ADCY7: variants seen among roughly 807,000 people sequenced by gnomAD.
The protein encoded by ADCY7 is adenylate cyclase 7, also known as adenylate cyclase type 7.
ADCY7 carries 72 observed loss-of-function variants against 120.6 expected under a neutral mutation model. The ratio of observed to expected loss-of-function variants is 0.60; its 90% confidence interval spans 0.49 to 0.73. The LOEUF (loss-of-function observed/expected upper bound fraction) is 0.73. Among genes scored for constraint, ADCY7 ranks in the 30% least tolerant of loss-of-function variants. ADCY7 has a pLI of 0.00. For synonymous variants in ADCY7, 661 were observed against 628.0 expected (o/e 1.05, Z -0.78); for missense variants, 1,227 against 1,486.0 (o/e 0.83, Z 2.87).
intron 10 of ADCY7, among the ~76,000 whole-genome samples, chr16:50,302,219 G>A (rs868113492): frequency 1.5e-4 from 23 of 151,620 alleles, no homozygotes; most frequent in South Asian, 4.2e-4. Flanking sequence ...TCCTCCCTCC[G>A]TCCCTAATGC....
intron 24 of ADCY7, chr16:50,314,678 C>T: frequency 2.1e-6 from 1 of 473,256 alleles, no homozygotes; most frequent in Non-Finnish European, 3.8e-6. Flanking sequence ...GAGAAGGAAG[C>T]AAAGTTACTA....
chr16:50,313,441 A>ACAAC, intron 22 of ADCY7: 1 of 181,872 alleles, frequency 5.5e-6, no homozygotes, highest in Non-Finnish European at 1.2e-5. Flanking sequence ...ACAACAAAAA[A>ACAAC]AAAACGACGT....
intron 1 of ADCY7, among the ~76,000 whole-genome samples, chr16:50,281,070 C>T (rs896233421): frequency 1.3e-5 from 2 of 151,956 alleles, no homozygotes; most frequent in Admixed American, 6.6e-5. Context: ...TTAGGAGATG[C>T]GGTGGGGGGC....
At chr16:50,310,625 G>T in intron 18 of ADCY7, 62 bp from the exon 19 acceptor site, 2 of 1,605,324 alleles carry the variant, frequency 1.2e-6, no homozygotes, top group East Asian at 2.2e-5. Flanking sequence ...GGTATGTGCT[G>T]GGCTGGAGGC....
chr16:50,305,017 G>T (rs2035969058), intron 12 of ADCY7, 58 bp downstream of exon 12: 3 of 1,602,910 alleles, frequency 1.9e-6, no homozygotes, highest in African/African-American at 1.3e-5. Flanking sequence ...CAAGCAGGCT[G>T]CCCTGAGCAG....
chr16:50,269,955 G>GA (rs1348369607), intron 1 of ADCY7, among the ~76,000 whole-genome samples: 1 of 152,186 alleles, frequency 6.6e-6, no homozygotes, highest in African/African-American at 2.4e-5. Flanking sequence ...TTGGGAGGCT[G>GA]AAGTGGGCGG....
chr16:50,262,626 C>T (rs915707631), upstream of ADCY7, among the ~76,000 whole-genome samples: 10 of 152,192 alleles, frequency 6.6e-5, no homozygotes, highest in African/African-American at 2.2e-4. Flanking sequence ...CATGCCCTGC[C>T]GGCTTCTCCC....
chr16:50,273,504 G>T (rs1365275586), intron 1 of ADCY7, among the ~76,000 whole-genome samples: 1 of 152,244 alleles, frequency 6.6e-6, no homozygotes, highest in Non-Finnish European at 1.5e-5. Context: ...GCTGCAGGCA[G>T]GAGCTCAGTG....
At position 50,278,622 on chromosome 16, in the gene ADCY7, A is replaced by T. The variant is rs565962901; in HGVS notation, c.-268-9290A>T. ...TATGGCTTTTGGGTTTTGTGTCAGG[A>T]TAAAAAGGCCATATTCACTACAGCA... On this transcript the variant is annotated intron_variant, in intron 1 of 25. Coordinates refer to ENST00000673801, the MANE Select transcript of ADCY7 (RefSeq NM_001114.5). Among the ~76,000 whole-genome samples the T allele has an allele frequency of 2.2e-4, 33 of 152,300 alleles. No homozygotes were observed. In the East Asian group the frequency reaches 5.6e-3, roughly 26 times the overall value.
chr16:50,255,223 G>A (rs183614201), intron 1 of ADCY7, among the ~76,000 whole-genome samples: 1 of 151,460 alleles, frequency 6.6e-6, no homozygotes, highest in Non-Finnish European at 1.5e-5. Context: ...CGTGAGCCTA[G>A]GAGCTTGAGG....
At chr16:50,253,961 A>G (rs1020171587) in intron 1 of ADCY7, among the ~76,000 whole-genome samples, 37 of 151,760 alleles carry the variant, frequency 2.4e-4, no homozygotes, top group Admixed American at 2.0e-3. Flanking sequence ...GTGTCTGTCT[A>G]TCTGTCTGTC....
At position 50,253,808 on chromosome 16, in the gene ADCY7, C is replaced by T. The variant is rs374490710; in HGVS notation, c.-64+7605C>T. The stretch of plus-strand genomic sequence containing the variant: ...AGGTGGGTTGAGGTGGGGGTGGAGG[C>T]GGTGGTGTCTGCTGCTACATGCTGG... On this transcript the variant is annotated intron_variant, in intron 1 of 4. Coordinates refer to the ADCY7 transcript ENST00000564044. Among the ~76,000 whole-genome samples, 92 of 152,224 alleles carry T rather than the reference C, an allele frequency of 6.0e-4. 1 individual carries two copies. In the South Asian group the frequency reaches 0.018, roughly 31 times the overall value.
intron 15 of ADCY7, among the ~76,000 whole-genome samples, chr16:50,307,765 C>A (rs142109120): frequency 6.6e-6 from 1 of 151,972 alleles, no homozygotes; most frequent in Non-Finnish European, 1.5e-5. Context: ...TGGGAGGCTG[C>A]GGGGCGAATC....
intron 1 of ADCY7, among the ~76,000 whole-genome samples, chr16:50,258,106 G>A (rs2032964837): frequency 6.6e-6 from 1 of 152,112 alleles, no homozygotes; most frequent in South Asian, 2.1e-4. Flanking sequence ...GCATGCACTT[G>A]TAATGTAACC....
In ADCY7 at chr16:50,315,461, G is replaced by A; in HGVS notation, c.3199G>A (p.Val1067Ile). 6.2e-7 allele frequency: 1 copy of A among 1,614,138 alleles called. No homozygotes were observed. Among genetic ancestry groups the A allele is most frequent in the East Asian group, 2.2e-5 (1 of 44,870 alleles). The change falls in exon 26 of 26, where the codon GTC becomes ATC. Residue 1067 changes from valine to isoleucine, a missense_variant. By Grantham distance (29) the Val-to-Ile change is conservative (BLOSUM62 3). Coordinates refer to ENST00000673801, the MANE Select transcript of ADCY7 (RefSeq NM_001114.5). ...KGKGELRTYF[V>I]CTDTAKFQGL... ...CAAAGGCGAGCTGAGGACTTACTTT[G>A]TCTGTACGGACACTGCCAAGTTTCA... is the stretch of plus-strand genomic sequence containing the variant.
Position 50,298,966 on chromosome 16 carries a change from C to T in ADCY7, c.1011C>T (p.Pro337=), listed in dbSNP as rs749723232. Reference sequence around the variant, plus strand: ...GCTACTACTGTGTATCGGGCCTGCCCGTGTCGCTGCCTACCCACGCCCGGA... The same window carrying T: ...GCTACTACTGTGTATCGGGCCTGCCTGTGTCGCTGCCTACCCACGCCCGGA... ...GDCYYCVSGL[P]VSLPTHARNC... is the part of the protein sequence containing the mutation. Residue 337 remains proline (P), a synonymous_variant, in exon 8 of 26, where the codon CCC becomes CCT. Transcript: ENST00000673801. The T allele has an allele frequency of 2.0e-5, 33 of 1,613,602 alleles. No homozygotes were observed. In the Middle Eastern group the frequency reaches 9.9e-4, roughly 48 times the overall value.
chr16:50,304,408 G>A lies in ADCY7; in HGVS notation c.1417G>A (p.Asp473Asn). ...PSQHLPRPKG[D>N]AALKMRASVR... Reference sequence around the variant, plus strand: ...CCAACACCTCCCCAGGCCCAAGGGGGACGCGGCCCTGAAGATGCGGGCGTC... The same window carrying A: ...CCAACACCTCCCCAGGCCCAAGGGGAACGCGGCCCTGAAGATGCGGGCGTC... Residue 473 changes from aspartate (D) to asparagine (N), a missense_variant, in exon 11 of 26, where the codon GAC becomes AAC. By Grantham distance (23) the Asp-to-Asn change is conservative. This residue lies in a region of ADCY7 where 332 missense variants were observed against 455.8 expected (regional missense o/e 0.73). Transcript: ENST00000673801. 6.3e-7 allele frequency: 1 copy of A among 1,592,276 alleles called. No individual in the cohort carries two copies. Among genetic ancestry groups the A allele is most frequent in the Non-Finnish European group, 8.6e-7 (1 of 1,168,740 alleles).
chr16:50,304,412 C>T lies in ADCY7; in HGVS notation c.1421C>T (p.Ala474Val), dbSNP rs370824858. The T allele has an allele frequency of 8.3e-5, 133 of 1,594,776 alleles. No homozygotes were observed. In the South Asian group the frequency reaches 9.3e-4, roughly 11 times the overall value. ...SQHLPRPKGD[A>V]ALKMRASVRM... Reference sequence around the variant, plus strand: ...CACCTCCCCAGGCCCAAGGGGGACGCGGCCCTGAAGATGCGGGCGTCAGTG... The same window carrying T: ...CACCTCCCCAGGCCCAAGGGGGACGTGGCCCTGAAGATGCGGGCGTCAGTG... Residue 474 changes from alanine to valine, a missense_variant, in exon 11 of 26, where the codon GCG (alanine) becomes GTG (valine). By Grantham distance (64) the Ala-to-Val change is moderately conservative. Around this residue, in one of 5 missense-constraint regions of ADCY7, gnomAD observed 332 missense variants for 455.8 expected, o/e 0.73. Transcript: ENST00000673801.
upstream of ADCY7, among the ~76,000 whole-genome samples, chr16:50,261,857 C>T (rs2033066450): frequency 6.6e-6 from 1 of 152,214 alleles, no homozygotes; most frequent in Admixed American, 6.5e-5. Flanking sequence ...CTCAGACCCT[C>T]CCAGGGCTCC....
Sources: allele counts gnomAD v4.1 joint callset (sites outside exome capture counted in the v4.1 genomes callset), GRCh38; gene constraint gnomAD v4.1.1; regional missense constraint gnomAD v4.1.1; transcripts MANE v1.5; gene names NCBI Gene and HGNC (gene_info 2026-07-23, HGNC 2026-07-21).